Variants in AVL9 observed in about 807,000 individuals in gnomAD.
AVL9 encodes late secretory pathway protein AVL9 homolog.
In AVL9, 49 loss-of-function variants were observed where a neutral mutation model predicts 79.2. The observed-to-expected ratio is 0.62, with a 90% confidence interval of 0.49 to 0.79. The LOEUF (loss-of-function observed/expected upper bound fraction) is 0.79, where lower values mean the gene tolerates loss of function less well. AVL9 is among the 30% of genes least tolerant of loss of function. The pLI is 0.00. For synonymous variants in AVL9, 299 were observed against 280.6 expected, an observed-to-expected ratio of 1.07 and a Z score of -0.65; for missense variants, 682 against 776.8, an observed-to-expected ratio of 0.88 and a Z score of 1.45.
intron 8 of AVL9, among the ~76,000 whole-genome samples, chr7:32,557,684 G>A (rs965167713): frequency 6.6e-6 from 1 of 151,996 alleles, no homozygotes; most frequent in African/African-American, 2.4e-5. Flanking sequence ...TGGTTGAGGT[G>A]GTGGTTGCCA....
intron 1 of AVL9, among the ~76,000 whole-genome samples, chr7:32,496,121 C>T (rs567973470): frequency 2.6e-4 from 40 of 152,338 alleles, no homozygotes; most frequent in African/African-American, 8.9e-4. Flanking sequence ...CCACTCTCTT[C>T]CCCGTCCATC....
chr7:32,554,972 C>T (rs936196754), intron 8 of AVL9, among the ~76,000 whole-genome samples: 2 of 152,038 alleles, frequency 1.3e-5, no homozygotes, highest in African/African-American at 2.4e-5. Flanking sequence ...AGGGAACTGC[C>T]GACAGTAATT....
chr7:32,525,843 C>T (rs1156857870), intron 1 of AVL9, among the ~76,000 whole-genome samples: 1 of 152,100 alleles, frequency 6.6e-6, no homozygotes, highest in East Asian at 1.9e-4. Flanking sequence ...TTGTTTTTTA[C>T]TGCAAATGCC....
Position 32,559,153 on chromosome 7 carries a change from G to A in AVL9, c.904G>A (p.Asp302Asn). The A allele has an allele frequency of 6.2e-7, 1 of 1,614,142 alleles. No individual in the cohort carries two copies. The highest frequency in any genetic ancestry group is 8.5e-7 in the Non-Finnish European group (1 of 1,180,026). ...KTEEPLFQVE[D>N]SSKGQEPNDT... ...TGAGGAGCCTTTGTTCCAAGTGGAA[G>A]ACAGCAGCAAAGGGCAGGAACCCAA... Residue 302 changes from aspartate (D) to asparagine (N), a missense_variant, in exon 10 of 16, where the codon GAC (aspartate) becomes AAC (asparagine). Physicochemically the swap from Asp to Asn is conservative, Grantham distance 23 (BLOSUM62 1). Coordinates refer to ENST00000318709, the MANE Select transcript of AVL9 (RefSeq NM_015060.3).
intron 1 of AVL9, among the ~76,000 whole-genome samples, chr7:32,497,397 G>A (rs1256885950): frequency 6.6e-6 from 1 of 152,200 alleles, no homozygotes; most frequent in African/African-American, 2.4e-5. Flanking sequence ...AGAATGACTG[G>A]TCTAGAATCT....
At chr7:32,540,371 A>G (rs573187530) in intron 1 of AVL9, among the ~76,000 whole-genome samples, 1 of 152,364 alleles carries the variant, frequency 6.6e-6, no homozygotes, top group Admixed American at 6.5e-5. Flanking sequence ...GTGAGCAGAC[A>G]GTGCTTCATG....
chr7:32,552,190 T>C, intron 5 of AVL9, 39 bp from the exon 6 acceptor site: 1 of 1,238,724 alleles, frequency 8.1e-7, no homozygotes, highest in Non-Finnish European at 1.2e-6. Flanking sequence ...AGATCTAAAA[T>C]GATAGTAAAA....
intron 1 of AVL9, among the ~76,000 whole-genome samples, chr7:32,527,079 G>A (rs1177907828): frequency 6.6e-6 from 1 of 152,158 alleles, no homozygotes; most frequent in Non-Finnish European, 1.5e-5. Context: ...GATTGTAAGG[G>A]CTGGTTTTGA....
intron 1 of AVL9, among the ~76,000 whole-genome samples, chr7:32,503,319 G>GAT (rs371363185): frequency 0.029 from 3,442 of 120,502 alleles, 77 homozygotes; most frequent in African/African-American, 0.037. Flanking sequence ...TCTACTAAAA[G>GAT]ATATATATAT....
chr7:32,531,296 G>A (rs906628914), intron 1 of AVL9, among the ~76,000 whole-genome samples: 16 of 151,572 alleles, frequency 1.1e-4, no homozygotes, highest in Non-Finnish European at 1.5e-4. Flanking sequence ...TAATTTAAAG[G>A]GGCTTGCATT....
At chr7:32,553,591 A>G (rs561949180) in intron 6 of AVL9, 136 bp from the exon 7 acceptor site, 2 of 641,018 alleles carry the variant, frequency 3.1e-6, no homozygotes, top group Middle Eastern at 2.6e-4. Context: ...ATCAAACATT[A>G]CAGAAATATT....
chr7:32,549,927 A>AAAAG (rs1210917355), intron 4 of AVL9, among the ~76,000 whole-genome samples: 1 of 151,900 alleles, frequency 6.6e-6, no homozygotes, highest in Non-Finnish European at 1.5e-5. Flanking sequence ...TCAAAAAAAA[A>AAAAG]AAAGAAAGAA....
At chr7:32,576,168 ATCC>A (rs779537323) in intron 13 of AVL9, 96 bp downstream of exon 13, 15 of 817,074 alleles carry the variant, frequency 1.8e-5, no homozygotes, top group African/African-American at 3.5e-5. Flanking sequence ...TATTGTGAAT[ATCC>A]TCAAGAATCC....
At chr7:32,505,814 A>G (rs1277780818) in intron 1 of AVL9, among the ~76,000 whole-genome samples, 2 of 152,142 alleles carry the variant, frequency 1.3e-5, no homozygotes, top group Admixed American at 6.5e-5. Flanking sequence ...CTAAGCAAAC[A>G]TTGTGTCTTA....
intron 13 of AVL9, among the ~76,000 whole-genome samples, chr7:32,578,738 G>A (rs1246614857): frequency 6.6e-6 from 1 of 152,122 alleles, no homozygotes; most frequent in Admixed American, 6.6e-5. Flanking sequence ...GAACCTGGGA[G>A]GCAGGTTGCA....
chr7:32,551,498 C>G (rs1468698934), intron 5 of AVL9, 75 bp downstream of exon 5: 3 of 744,304 alleles, frequency 4.0e-6, no homozygotes, highest in Non-Finnish European at 6.6e-6. Context: ...GTCAGTAATA[C>G]TGTGAAGGAT....
intron 3 of AVL9, among the ~76,000 whole-genome samples, chr7:32,547,264 AC>A (rs1789558604): frequency 6.6e-6 from 1 of 152,170 alleles, no homozygotes; most frequent in Non-Finnish European, 1.5e-5. Context: ...TGGTTTTAAA[AC>A]CTGCATGATT....
At chr7:32,517,542 GATCCAC>G (rs1562759154) in intron 1 of AVL9, among the ~76,000 whole-genome samples, 1 of 151,932 alleles carries the variant, frequency 6.6e-6, no homozygotes, top group Non-Finnish European at 1.5e-5. Context: ...CTGACCTCGT[GATCCAC>G]CCACCTCGGC....
At chr7:32,507,805 T>C (rs534812169) in intron 1 of AVL9, among the ~76,000 whole-genome samples, 1 of 152,378 alleles carries the variant, frequency 6.6e-6, no homozygotes, top group South Asian at 2.1e-4. Flanking sequence ...TCTTCGCTTT[T>C]AGTAGATATC....
Sources: allele counts gnomAD v4.1 joint callset (sites outside exome capture counted in the v4.1 genomes callset), GRCh38; gene constraint gnomAD v4.1.1; transcripts MANE v1.5; gene names NCBI Gene and HGNC (gene_info 2026-07-23, HGNC 2026-07-21).